The following DHRS12 variants were observed in gnomAD, a reference collection of about 807,000 sequenced individuals.
DHRS12 encodes the protein dehydrogenase/reductase 12.
A neutral mutation model predicts 32.1 loss-of-function variants in DHRS12; 29 were observed. That is an observed-to-expected ratio of 0.90 (90% CI 0.67 to 1.23). The LOEUF is 1.23. Ranked by LOEUF, DHRS12 falls within the 50% of genes most tolerant of loss-of-function variation. The pLI is 0.00. For missense variants in DHRS12, 330 were observed against 337.2 expected, an observed-to-expected ratio of 0.98 and a Z score of 0.17; for synonymous variants, 150 against 135.9, an observed-to-expected ratio of 1.10 and a Z score of -0.72.
Position 51,791,138 on chromosome 13 carries a change from T to C in DHRS12, c.219+27A>G, listed in dbSNP as rs1186154115. 2.0e-6 allele frequency: 3 copies of C among 1,466,894 alleles called. No homozygotes were observed. In the African/African-American group the frequency reaches 4.3e-5, roughly 21 times the overall value. The allele number at this position is 1,466,894 out of a possible 1,614,324, so 90.9% of individuals were successfully genotyped here. ...GAAACAATGGGCCAACATGAATTTA[T>C]TCTCCACTTATGTTTACAAAGCTCA... On this transcript the variant is annotated intron_variant, in intron 3 of 8. Transcript: ENST00000444610.
chr13:51,777,371 G>A, intron 4 of DHRS12: 1 of 502,186 alleles, frequency 2.0e-6, no homozygotes. Context: ...AATACAGGAA[G>A]GGAAAAAGAA....
At chr13:51,802,876 G>A (rs1955824180) in intron 1 of DHRS12, among the ~76,000 whole-genome samples, 1 of 151,986 alleles carries the variant, frequency 6.6e-6, no homozygotes, top group African/African-American at 2.4e-5. Context: ...CCCTCAAGGT[G>A]GGGAAATCAG....
chr13:51,793,329 T>C (rs1259690651), intron 2 of DHRS12, among the ~76,000 whole-genome samples: 1 of 152,198 alleles, frequency 6.6e-6, no homozygotes, highest in African/African-American at 2.4e-5. Flanking sequence ...CACCTAAGTA[T>C]TGAACCTACA....
At chr13:51,798,710 T>C (rs1293052198) in intron 2 of DHRS12, among the ~76,000 whole-genome samples, 1 of 148,564 alleles carries the variant, frequency 6.7e-6, no homozygotes, top group Non-Finnish European at 1.5e-5. Flanking sequence ...GAAAAATGCC[T>C]AACTTGGATT....
At chr13:51,759,679 T>C in the DHRS12 span, 1 of 1,565,300 alleles carries the variant, frequency 6.4e-7, no homozygotes, top group Non-Finnish European at 8.8e-7. Context: ...AATTCAGTTC[T>C]AAGGACTGTT....
chr13:51,780,639 G>T (rs1032599960), intron 4 of DHRS12, among the ~76,000 whole-genome samples: 2 of 152,314 alleles, frequency 1.3e-5, no homozygotes, highest in Admixed American at 6.5e-5. Context: ...ATGGCAACAA[G>T]AACTTTTATT....
intron 4 of DHRS12, among the ~76,000 whole-genome samples, chr13:51,780,375 A>G (rs965202633): frequency 1.3e-5 from 2 of 152,096 alleles, no homozygotes; most frequent in African/African-American, 4.8e-5. Context: ...AGAGAAAAAG[A>G]GAGATATTTT....
intron 1 of DHRS12, among the ~76,000 whole-genome samples, chr13:51,802,447 G>A (rs2773267): frequency 0.16 from 25,009 of 152,186 alleles, 2,217 homozygotes; most frequent in East Asian, 0.35. Context: ...TGAAGCTGAG[G>A]TGACAGGGAT....
At chr13:51,771,961 G>C in intron 6 of DHRS12, 50 bp from the exon 7 acceptor site, 2 of 1,583,094 alleles carry the variant, frequency 1.3e-6, no homozygotes, top group Non-Finnish European at 1.7e-6. Context: ...GGCGCCATTA[G>C]GTGCAAGGGC....
intron 6 of DHRS12, among the ~76,000 whole-genome samples, chr13:51,773,227 T>C (rs930910010): frequency 9.9e-5 from 15 of 152,184 alleles, no homozygotes; most frequent in African/African-American, 3.6e-4. Context: ...TAACGAGATA[T>C]CTTGGGGATA....
chr13:51,782,349 C>T lies in DHRS12; in HGVS notation c.302-5228G>A, dbSNP rs1954752599. Among the ~76,000 whole-genome samples, 1 of 152,244 alleles carries T rather than the reference C, an allele frequency of 6.6e-6. No individual in the cohort carries two copies. The highest frequency in any genetic ancestry group is 1.5e-5 in the Non-Finnish European group (1 of 68,006). ...GGAGGGATGCCAACATTTAAAGTCC[C>T]CGCAGACACGCTGCAGCTGGCTAAG... On this transcript the variant is annotated intron_variant, in intron 4 of 8. Coordinates refer to ENST00000444610, the MANE Select transcript of DHRS12 (RefSeq NM_001377533.1). The surrounding 1 kb of genome is among the most constrained non-coding windows in gnomAD (Gnocchi z 4.2).
the DHRS12 span, among the ~76,000 whole-genome samples, chr13:51,758,998 A>G: frequency 1.3e-5 from 2 of 152,140 alleles, no homozygotes; most frequent in South Asian, 2.1e-4. Context: ...CCTGGCCACC[A>G]TAGTGTGACC....
downstream of DHRS12, chr13:51,763,967 T>C (rs914299748): frequency 3.3e-5 from 5 of 152,244 alleles, no homozygotes; most frequent in African/African-American, 1.2e-4. Flanking sequence ...TTTAATTCTA[T>C]GTCAGTGTTC....
chr13:51,771,921 A>AGGTGAAC lies in DHRS12; in HGVS notation c.469-11_469-10insGTTCACC, dbSNP rs774928632. 11 of 1,613,778 alleles carry AGGTGAAC rather than the reference A, an allele frequency of 6.8e-6. No homozygotes were observed. The African/African-American group carries it at 1.5e-4, about 22-fold the overall frequency. Reference sequence around the variant, plus strand: ...GAACCACTTGCTGCCTCTGGACAGGAAGGAGCGAGGGGGTGAACAGGAGAG... The same window carrying AGGTGAAC: ...GAACCACTTGCTGCCTCTGGACAGGAGGTGAACAGGAGCGAGGGGGTGAACAGGAGAG... On this transcript the variant is annotated splice_polypyrimidine_tract_variant and intron_variant, in intron 6 of 8. Transcript: ENST00000444610.
chr13:51,799,247 T>G (rs78724902), intron 2 of DHRS12, among the ~76,000 whole-genome samples: 1,565 of 152,306 alleles, frequency 0.01, 13 homozygotes, highest in Non-Finnish European at 0.016. Flanking sequence ...GGGATTCTGA[T>G]GTCCAGGGTT....
chr13:51,787,430 C>G (rs568543957), intron 4 of DHRS12, among the ~76,000 whole-genome samples: 2 of 152,060 alleles, frequency 1.3e-5, no homozygotes, highest in South Asian at 4.1e-4. Context: ...CTGGTCACCC[C>G]CTCCCAGTAC....
In DHRS12 at chr13:51,793,399, G is replaced by C. The variant is rs1277095524; in HGVS notation, c.127-2142C>G. Among the ~76,000 whole-genome samples, 6 of 152,190 alleles carry C rather than the reference G, an allele frequency of 3.9e-5. No individual in the cohort carries two copies. The East Asian group carries it at 1.2e-3, about 29-fold the overall frequency. Reference sequence around the variant, plus strand: ...ACAAAGCAGAGAAGTTCCGTGCCCTGCCTGAGTTTCCCCATTAATCAAGCT... The same window carrying C: ...ACAAAGCAGAGAAGTTCCGTGCCCTCCCTGAGTTTCCCCATTAATCAAGCT... On this transcript the variant is annotated intron_variant, in intron 2 of 8. Transcript: ENST00000444610.
chr13:51,762,515 T>C, the DHRS12 span: 1 of 152,254 alleles, frequency 6.6e-6, no homozygotes, highest in Admixed American at 6.5e-5. Flanking sequence ...GCAAACCAAC[T>C]GTGTGTTTGT....
At chr13:51,789,320 G>C (rs980573227) in intron 4 of DHRS12, among the ~76,000 whole-genome samples, 1 of 152,180 alleles carries the variant, frequency 6.6e-6, no homozygotes, top group Non-Finnish European at 1.5e-5. Context: ...CCCTTGGATT[G>C]AGAAGGAGAA....
Sources: allele counts gnomAD v4.1 joint callset (sites outside exome capture counted in the v4.1 genomes callset), GRCh38; gene constraint gnomAD v4.1.1; non-coding constraint Gnocchi (gnomAD v3.1); transcripts MANE v1.5; gene names NCBI Gene and HGNC (gene_info 2026-07-23, HGNC 2026-07-21).